NOL4L: variants seen among roughly 807,000 people sequenced by gnomAD.
NOL4L encodes the protein nucleolar protein 4 like.
In NOL4L, 7 loss-of-function variants were observed where a neutral mutation model predicts 64.5. That is an observed-to-expected ratio of 0.11 (90% confidence interval 0.06 to 0.20). NOL4L has a LOEUF of 0.20. NOL4L is among the 10% of genes least tolerant of loss of function. The probability of loss-of-function intolerance (pLI) is 1.00; values close to 1 mark genes in which losing one functional copy is unlikely to be tolerated. For missense variants in NOL4L, 680 were observed against 967.1 expected (o/e 0.70, Z 3.94); for synonymous variants, 413 against 401.0 (o/e 1.03, Z -0.36).
chr20:32,544,304 G>A lies in NOL4L; in HGVS notation c.322-16391C>T, dbSNP rs180747346. Among the ~76,000 whole-genome samples, 777 of 151,956 alleles carry A rather than the reference G, an allele frequency of 5.1e-3. 9 individuals are homozygous for A. Among genetic ancestry groups the A allele is most frequent in the African/African-American group, 0.018 (748 of 41,398 alleles). On this transcript the variant is annotated intron_variant, in intron 1 of 10. Transcript: ENST00000621426. ...TGGAAGGATGATGGGAAGGCAGGGG[G>A]CGGGTGGAGAAAGGAAGGGGGAAGG...
intron 3 of NOL4L, chr20:32,519,596 C>G (rs6141743): frequency 0.26 from 38,960 of 152,122 alleles, 6,322 homozygotes; most frequent in East Asian, 0.76. Context: ...TATAATTGTA[C>G]CAGCCAAATG....
intron 1 of NOL4L, among the ~76,000 whole-genome samples, chr20:32,556,284 G>A (rs567300168): frequency 1.5e-4 from 23 of 152,082 alleles, no homozygotes; most frequent in Non-Finnish European, 2.1e-4. Context: ...TGGGGGGGGG[G>A]GGTTTCCCTG....
At chr20:32,465,966 C>T (rs1600677849) in intron 5 of NOL4L, among the ~76,000 whole-genome samples, 1 of 151,508 alleles carries the variant, frequency 6.6e-6, no homozygotes, top group East Asian at 1.9e-4. Context: ...GCCAGGCTCA[C>T]CTTCACCTCC....
At chr20:32,488,802 TC>T (rs2016264206) in intron 4 of NOL4L, among the ~76,000 whole-genome samples, 1 of 31,738 alleles carries the variant, frequency 3.2e-5, no homozygotes, top group African/African-American at 2.1e-4. Context: ...TTTCTTTCTT[TC>T]TTTTTCTTTC....
chr20:32,529,461 T>C (rs1214533799), intron 1 of NOL4L, among the ~76,000 whole-genome samples: 1 of 152,198 alleles, frequency 6.6e-6, no homozygotes, highest in Non-Finnish European at 1.5e-5. Flanking sequence ...CTTCAGACCT[T>C]GGACTCTGTA....
chr20:32,500,439 C>T (rs756436325), intron 4 of NOL4L, among the ~76,000 whole-genome samples: 12 of 151,134 alleles, frequency 7.9e-5, no homozygotes, highest in Admixed American at 2.6e-4. Context: ...TTGCAAGCTC[C>T]GCCTCCCGGG....
intron 4 of NOL4L, among the ~76,000 whole-genome samples, chr20:32,509,536 A>AAAAAAG (rs2017295714): frequency 7.1e-6 from 1 of 140,734 alleles, no homozygotes; most frequent in African/African-American, 2.9e-5. Context: ...AAAAAAAAAA[A>AAAAAAG]AAAAGAAAAG....
chr20:32,459,033 C>T (rs1011242217), intron 5 of NOL4L, among the ~76,000 whole-genome samples: 26 of 152,222 alleles, frequency 1.7e-4, no homozygotes, highest in African/African-American at 5.3e-4. Flanking sequence ...GGCTGGGGAT[C>T]GACAGGCACT....
intron 3 of NOL4L, among the ~76,000 whole-genome samples, chr20:32,518,047 G>A (rs1198695457): frequency 1.3e-5 from 2 of 152,120 alleles, no homozygotes; most frequent in East Asian, 3.8e-4. Context: ...TCCTGCCGAG[G>A]GACACACAGT....
In NOL4L at chr20:32,464,203, C is replaced by A. The variant is rs1269859360; in HGVS notation, c.842-7808G>T. On this transcript the variant is annotated intron_variant, in intron 5 of 10. Transcript: ENST00000621426. The surrounding 1 kb of genome is among the most constrained non-coding windows in gnomAD (Gnocchi z 5.6). ...GCGTGCACCTCCCCAGGACTGGCCC[C>A]CTGCCTGCTTTGACAAAGGCCAGCG... Among the ~76,000 whole-genome samples the A allele has an allele frequency of 2.6e-5, 4 of 152,192 alleles. No homozygotes were observed. Among genetic ancestry groups the A allele is most frequent in the Non-Finnish European group, 5.9e-5 (4 of 68,032 alleles).
intron 1 of NOL4L, chr20:32,537,091 T>G (rs533443247): frequency 2.0e-6 from 2 of 985,186 alleles, no homozygotes; most frequent in East Asian, 2.3e-4. Context: ...ACCTGTCCTT[T>G]GTGCAGGGCG....
intron 3 of NOL4L, among the ~76,000 whole-genome samples, chr20:32,518,695 G>A (rs1296821702): frequency 6.6e-6 from 1 of 152,240 alleles, no homozygotes; most frequent in East Asian, 1.9e-4. Flanking sequence ...GAAAGGAACG[G>A]GAGGGGACAG....
At chr20:32,576,144 T>C (rs1980089347) in intron 1 of NOL4L, among the ~76,000 whole-genome samples, 1 of 152,072 alleles carries the variant, frequency 6.6e-6, no homozygotes, top group Non-Finnish European at 1.5e-5. Flanking sequence ...ACAGGAGTCT[T>C]GGAGGGTTCT....
intron 1 of NOL4L, among the ~76,000 whole-genome samples, chr20:32,562,608 C>T (rs1005503734): frequency 6.6e-6 from 1 of 152,134 alleles, no homozygotes; most frequent in Non-Finnish European, 1.5e-5. Flanking sequence ...GACTCCTCTG[C>T]TCCCTACCCT....
intron 5 of NOL4L, among the ~76,000 whole-genome samples, chr20:32,465,555 C>A (rs983978002): frequency 2.0e-5 from 3 of 152,210 alleles, no homozygotes; most frequent in Non-Finnish European, 4.4e-5. Context: ...CAAGCACAGG[C>A]GGTGAGAAAT....
At chr20:32,488,814 TTTCTTTCTTTCTTTTTCTTTCTTTC>T (rs1568648489) in intron 4 of NOL4L, among the ~76,000 whole-genome samples, 3 of 17,090 alleles carry the variant, frequency 1.8e-4, no homozygotes, top group African/African-American at 7.1e-4. Flanking sequence ...TTTTTCTTTC[TTTCTTTCTTTCTTTTTCTTTCTTTC>T]TTTCTTTCTT....
chr20:32,531,631 G>A (rs536486147), intron 1 of NOL4L, among the ~76,000 whole-genome samples: 1 of 152,274 alleles, frequency 6.6e-6, no homozygotes, highest in African/African-American at 2.4e-5. Context: ...GGGATTACAT[G>A]TGTGAGCCAC....
At chr20:32,461,335 C>A (rs2014026555) in intron 5 of NOL4L, among the ~76,000 whole-genome samples, 1 of 151,988 alleles carries the variant, frequency 6.6e-6, no homozygotes, top group Non-Finnish European at 1.5e-5. Flanking sequence ...CAGTCCCTCA[C>A]TTCCAGGGCT....
At chr20:32,452,103 C>T in intron 10 of NOL4L, 133 bp downstream of exon 10, 1 of 707,066 alleles carries the variant, frequency 1.4e-6, no homozygotes, top group Non-Finnish European at 2.1e-6. Context: ...CCCTCCTGCT[C>T]CCTATGCTGT....
Sources: allele counts gnomAD v4.1 joint callset (sites outside exome capture counted in the v4.1 genomes callset), GRCh38; gene constraint gnomAD v4.1.1; non-coding constraint Gnocchi (gnomAD v3.1); transcripts MANE v1.5; gene names NCBI Gene and HGNC (gene_info 2026-07-23, HGNC 2026-07-21).